TFEB: variants seen among roughly 807,000 people sequenced by gnomAD.
TFEB encodes T-cell transcription factor EB.
TFEB carries 12 observed loss-of-function variants against 48.0 expected under a neutral mutation model. The observed-to-expected ratio is 0.25, with a 90% CI of 0.16 to 0.40. The LOEUF (loss-of-function observed/expected upper bound fraction) is 0.40, where lower values mean the gene tolerates loss of function less well. Among genes scored for constraint, TFEB ranks in the 10% least tolerant of loss-of-function variants. TFEB has a pLI of 1.00. For missense variants in TFEB, 509 were observed against 640.3 expected (o/e 0.79, Z 2.21); for synonymous variants, 244 against 261.4 (o/e 0.93, Z 0.64).
intron 1 of TFEB, among the ~76,000 whole-genome samples, chr6:41,710,081 G>A (rs999085479): frequency 6.6e-6 from 1 of 152,092 alleles, no homozygotes; most frequent in Admixed American, 6.5e-5. Flanking sequence ...ATTTATAAAC[G>A]AGAAAATAAG....
intron 1 of TFEB, among the ~76,000 whole-genome samples, chr6:41,714,288 G>A (rs1770632323): frequency 6.6e-6 from 1 of 152,232 alleles, no homozygotes; most frequent in Non-Finnish European, 1.5e-5. Context: ...CCCATGCCCT[G>A]AGAAAAGAGA....
chr6:41,717,534 C>T (rs1770791238), intron 1 of TFEB, among the ~76,000 whole-genome samples: 1 of 152,170 alleles, frequency 6.6e-6, no homozygotes, highest in African/African-American at 2.4e-5. Context: ...ATGGAATTAA[C>T]TTGCTAGGGG....
At chr6:41,689,837 G>T in intron 3 of TFEB, 26 bp from the exon 4 acceptor site, 1 of 1,602,638 alleles carries the variant, frequency 6.2e-7, no homozygotes, top group South Asian at 1.1e-5. Flanking sequence ...GTCCATCTGG[G>T]GAGGGCCCAC....
At chr6:41,699,068 G>A (rs1561857562) in intron 1 of TFEB, among the ~76,000 whole-genome samples, 1 of 152,242 alleles carries the variant, frequency 6.6e-6, no homozygotes, top group Non-Finnish European at 1.5e-5. Context: ...TGTGGGAAAG[G>A]CCAAGTGCTT....
chr6:41,696,464 G>A (rs778355173), intron 1 of TFEB, among the ~76,000 whole-genome samples: 3 of 151,986 alleles, frequency 2.0e-5, no homozygotes, highest in Admixed American at 6.6e-5. Flanking sequence ...AGGCTGAGGC[G>A]GGCAGATCAC....
Position 41,687,167 on chromosome 6 carries a change from C to A in TFEB, c.730G>T (p.Glu244Ter). The A allele has an allele frequency of 6.2e-7, 1 of 1,614,156 alleles. No individual in the cohort carries two copies. ...TTGATGTTGAACCTTCGTCTCCTTT[C>A]AACTAAAGGTAACAGATTCCAGAAG... ...RQKKDNHNLIERRRRFNINDR... is the reference protein window; with the variant it reads ...RQKKDNHNLI Residue 244 changes from glutamate (E) to a stop codon, truncating the protein, a stop_gained and splice_region_variant, in exon 7 of 9, where the codon GAA becomes TAA. Transcript: ENST00000373033. LOFTEE classifies it high-confidence loss of function.
At chr6:41,692,628 G>C (rs956096783) in intron 1 of TFEB, among the ~76,000 whole-genome samples, 1 of 152,206 alleles carries the variant, frequency 6.6e-6, no homozygotes, top group Non-Finnish European at 1.5e-5. Context: ...CTCATTGACT[G>C]ACCCTAGGTA....
At chr6:41,721,511 T>A (rs1490540622) in intron 1 of TFEB, among the ~76,000 whole-genome samples, 6 of 151,984 alleles carry the variant, frequency 3.9e-5, no homozygotes, top group Non-Finnish European at 7.4e-5. Context: ...CCCACCAAAC[T>A]GATTTCATGG....
chr6:41,721,372 TACACACACAC>T (rs58269771), intron 1 of TFEB, among the ~76,000 whole-genome samples: 12 of 144,794 alleles, frequency 8.3e-5, no homozygotes, highest in Admixed American at 5.5e-4. Context: ...TAGGCACACA[TACACACACAC>T]ACACACACAC....
rs766434081 is a variant in TFEB, at chr6:41,690,986, C to A, written c.213+15G>T. 6.4e-7 allele frequency: 1 copy of A among 1,569,482 alleles called. No homozygotes were observed. The highest frequency in any genetic ancestry group is 8.7e-7 in the Non-Finnish European group (1 of 1,154,240). ...AGTGGGGACAGGGTGGGGGGCAGGC[C>A]AGAACAGGCCCTACCTTCAACACCT... On this transcript the variant is annotated intron_variant, in intron 2 of 8. Transcript: ENST00000373033.
chr6:41,685,833 C>A (rs1313054223), intron 8 of TFEB, among the ~76,000 whole-genome samples: 1 of 152,238 alleles, frequency 6.6e-6, no homozygotes, highest in Non-Finnish European at 1.5e-5. Flanking sequence ...TCTAGATGTG[C>A]CATCAGAGAG....
At chr6:41,731,005 C>T (rs1215735513) in intron 1 of TFEB, among the ~76,000 whole-genome samples, 2 of 152,216 alleles carry the variant, frequency 1.3e-5, no homozygotes, top group East Asian at 3.8e-4. Context: ...ATGGAGAGGC[C>T]TGTTTGCAAC....
rs1581945337 is a variant in TFEB at position 41,734,382 on chromosome 6, G to C, written c.-23+968C>G. The C allele has an allele frequency of 4.1e-6, 4 of 984,978 alleles. No individual in the cohort carries two copies. The highest frequency in any genetic ancestry group is 4.8e-6 in the Non-Finnish European group (4 of 829,736). The allele number at this position is 984,978 out of a possible 1,614,324, so 61.0% of individuals were successfully genotyped here. A position where few individuals can be genotyped will look rare whatever the true frequency, so the allele number is the denominator to read the frequency against. ...CTGCTCGCGCAGCCCGGAGCAGCTC[G>C]GGGCAGCCGTGCGTGAAGCCGGAAC... On this transcript the variant is annotated intron_variant, in intron 1 of 8. Transcript: ENST00000373033. The surrounding 1 kb of genome is among the most constrained non-coding windows in gnomAD (Gnocchi z 4.0).
rs1769259341 is a variant in TFEB, at chr6:41,690,750, A to C, written c.381T>G (p.Ala127=). ...PPPAASPGVR[A]GHVLSSSAGN... ...CAGCGGAGGAGGACAGCACGTGTCC[A>C]GCTCGCACCCCTGGGGAGGCGGCTG... is the stretch of plus-strand genomic sequence containing the variant. Residue 127 remains alanine (A), a synonymous_variant, in exon 3 of 9, where the codon GCT becomes GCG. Transcript: ENST00000373033. 6 of 1,605,032 alleles carry C rather than the reference A, an allele frequency of 3.7e-6. No individual in the cohort carries two copies. In the East Asian group the frequency reaches 1.3e-4, roughly 36 times the overall value.
At chr6:41,710,608 AT>A (rs921127178) in intron 1 of TFEB, among the ~76,000 whole-genome samples, 3 of 152,012 alleles carry the variant, frequency 2.0e-5, no homozygotes, top group Non-Finnish European at 2.9e-5. Flanking sequence ...TAGAAAGACC[AT>A]TTTTTTCCTG....
At position 41,687,798 on chromosome 6, in the gene TFEB, T is replaced by G; in HGVS notation, c.682A>C (p.Arg228=). 1 of 1,613,910 alleles carries G rather than the reference T, an allele frequency of 6.2e-7. No individual in the cohort carries two copies. Among genetic ancestry groups the G allele is most frequent in the Non-Finnish European group, 8.5e-7 (1 of 1,179,908 alleles). ...TTCTGCCGCTCCTTGGCCAGGGCCCTGCTCTCAGCATCTGGAGGCCAAAAG... is the reference window on the plus strand; with the variant it reads ...TTCTGCCGCTCCTTGGCCAGGGCCCGGCTCTCAGCATCTGGAGGCCAAAAG... ...QKRELTDAES[R]ALAKERQKKD... is the part of the protein sequence containing the mutation. Residue 228 remains arginine (R), a synonymous_variant, in exon 6 of 9, where the codon AGG becomes CGG. Coordinates refer to ENST00000373033, the MANE Select transcript of TFEB (RefSeq NM_001271944.2).
chr6:41,732,406 C>T (rs74590024), intron 1 of TFEB, among the ~76,000 whole-genome samples: 1,789 of 152,280 alleles, frequency 0.012, 15 homozygotes, highest in Non-Finnish European at 0.016. Flanking sequence ...CCACCTCACT[C>T]TAAACACACA....
At chr6:41,736,031 C>T, upstream of TFEB, 1 of 1,378,832 alleles carries the variant, frequency 7.3e-7, no homozygotes, top group Non-Finnish European at 1.0e-6. Flanking sequence ...CACTTTTATC[C>T]CTGCCCCGAT....
intron 1 of TFEB, among the ~76,000 whole-genome samples, chr6:41,714,538 G>T (rs1218433214): frequency 1.3e-5 from 2 of 152,200 alleles, no homozygotes; most frequent in Non-Finnish European, 2.9e-5. Flanking sequence ...CAGAGGTGCG[G>T]CCTTGATGGT....
Sources: gnomAD v4.1 joint callset for allele counts (sites outside exome capture counted in the v4.1 genomes callset) on GRCh38, gnomAD v4.1.1 for gene constraint, Gnocchi (gnomAD v3.1) non-coding constraint, MANE v1.5 for transcripts, NCBI Gene and HGNC (gene_info 2026-07-23, HGNC 2026-07-21) for gene names.